TCF12: variants seen among roughly 807,000 people sequenced by gnomAD.
TCF12 encodes transcription factor 12.
A neutral mutation model predicts 86.0 loss-of-function variants in TCF12; 45 were observed. The ratio of observed to expected loss-of-function variants is 0.52; its 90% CI spans 0.41 to 0.67. TCF12 has a LOEUF of 0.67. TCF12 is among the 30% of genes least tolerant of loss of function. TCF12 has a pLI of 0.00. For synonymous variants in TCF12, 330 were observed against 299.6 expected (o/e 1.10, Z -1.05); for missense variants, 881 against 859.9 (o/e 1.02, Z -0.31).
intron 8 of TCF12, among the ~76,000 whole-genome samples, chr15:57,224,249 A>G (rs2058762648): frequency 6.6e-6 from 1 of 152,086 alleles, no homozygotes; most frequent in African/African-American, 2.4e-5. Flanking sequence ...TAAAGTAGGT[A>G]GGTAACGTGT....
rs747738227 is a variant in TCF12 at position 57,186,784 on chromosome 15, A to G, written c.391-5374A>G. ...CAGCTAAGGGAGTTTTATTCCAGGA[A>G]TGCAAGGATAGTTTAGCCTATGAAA... On this transcript the variant is annotated intron_variant, in intron 6 of 20. Coordinates refer to ENST00000333725, the MANE Select transcript of TCF12 (RefSeq NM_207037.2). Among the ~76,000 whole-genome samples, 10 of 152,236 alleles carry G rather than the reference A, an allele frequency of 6.6e-5. 1 individual carries two copies. The highest frequency in any genetic ancestry group is 4.1e-4 in the South Asian group (2 of 4,830).
chr15:57,282,432 C>G lies in TCF12; in HGVS notation c.1979-13C>G. 1 of 1,613,968 alleles carries G rather than the reference C, an allele frequency of 6.2e-7. No homozygotes were observed. The highest frequency in any genetic ancestry group is 1.1e-5 in the South Asian group (1 of 91,068). The stretch of plus-strand genomic sequence containing the variant: ...AAAACCATAGTGATAAAAATTCTTT[C>G]CCCCTGTTTTAGAGAGGAACCTTAA... On this transcript the variant is annotated splice_polypyrimidine_tract_variant and intron_variant, in intron 19 of 20. Coordinates refer to ENST00000333725, the MANE Select transcript of TCF12 (RefSeq NM_207037.2).
intron 4 of TCF12, among the ~76,000 whole-genome samples, chr15:57,076,964 A>G (rs191194600): frequency 1.2e-3 from 181 of 152,256 alleles, no homozygotes; most frequent in Non-Finnish European, 2.0e-3. Flanking sequence ...TCTGTTGGCC[A>G]TATATGCGAG....
Position 57,204,139 on chromosome 15 carries a change from G to A in TCF12, c.579+6314G>A, listed in dbSNP as rs761990711. ...GTGGCCCTTGAATTAGTCACTGACT[G>A]TAATTTAGAAAGTGATGAGGCCAGG... On this transcript the variant is annotated intron_variant, in intron 8 of 20. Coordinates refer to ENST00000333725, the MANE Select transcript of TCF12 (RefSeq NM_207037.2). 1.6e-4 allele frequency among the ~76,000 whole-genome samples: 24 copies of A among 152,148 alleles called. 1 individual carries two copies. The highest frequency in any genetic ancestry group is 7.2e-4 in the Admixed American group (11 of 15,272).
intron 6 of TCF12, among the ~76,000 whole-genome samples, chr15:57,179,873 T>G (rs2056215797): frequency 6.6e-6 from 1 of 152,172 alleles, no homozygotes; most frequent in Admixed American, 6.5e-5. Flanking sequence ...CACAAAGCAT[T>G]TAATGAAATC....
At chr15:57,173,789 C>T (rs1420114331) in intron 6 of TCF12, among the ~76,000 whole-genome samples, 3 of 151,606 alleles carry the variant, frequency 2.0e-5, no homozygotes, top group Non-Finnish European at 4.4e-5. Flanking sequence ...CTCACTACAT[C>T]CTCCGCCTCC....
In TCF12 at chr15:57,287,873, A is replaced by G. The variant is rs2061983518; in HGVS notation, c.*1728A>G. The stretch of plus-strand genomic sequence containing the variant: ...TATCTGTGGCCTTGTTCTTCATTTC[A>G]GTGTTAATCAGCTAAACAGAAGTTG... On this transcript the variant is annotated 3_prime_UTR_variant, in exon 21 of 21. Transcript: ENST00000333725. The G allele has an allele frequency of 6.6e-6, 1 of 152,562 alleles. No homozygotes were observed. Among genetic ancestry groups the G allele is most frequent in the Non-Finnish European group, 1.5e-5 (1 of 68,022 alleles). 9.5% of individuals were successfully genotyped at this position (152,562 alleles called of 1,614,324 possible).
chr15:57,289,722 G>T lies in TCF12; in HGVS notation c.*3577G>T, dbSNP rs897708331. The stretch of plus-strand genomic sequence containing the variant: ...TCTGATTAACTTCATTTTCCTATCT[G>T]AAAAATGGAGATAACATTAGAATTG... On this transcript the variant is annotated 3_prime_UTR_variant, in exon 21 of 21. Coordinates refer to ENST00000333725, the MANE Select transcript of TCF12 (RefSeq NM_207037.2). 1 of 151,942 alleles carries T rather than the reference G, an allele frequency of 6.6e-6. No homozygotes were observed. Among genetic ancestry groups the T allele is most frequent in the Non-Finnish European group, 1.5e-5 (1 of 68,006 alleles). 9.4% of individuals were successfully genotyped at this position (151,942 alleles called of 1,614,324 possible).
chr15:57,227,175 G>T (rs2058926272), intron 8 of TCF12, among the ~76,000 whole-genome samples: 1 of 152,068 alleles, frequency 6.6e-6, no homozygotes, highest in African/African-American at 2.4e-5. Context: ...TGTCTTATCT[G>T]AATGTGACTA....
At chr15:57,275,359 T>TGTGC (rs1555417690) in intron 19 of TCF12, among the ~76,000 whole-genome samples, 2 of 23,970 alleles carry the variant, frequency 8.3e-5, no homozygotes, top group African/African-American at 1.8e-4. Flanking sequence ...TGTGTGTGTG[T>TGTGC]GTGTACGTAT....
intron 5 of TCF12, among the ~76,000 whole-genome samples, chr15:57,130,997 T>A (rs1476254244): frequency 3.9e-5 from 6 of 152,224 alleles, no homozygotes; most frequent in African/African-American, 1.2e-4. Context: ...TATTTTTTAT[T>A]TAATTCTGTA....
intron 3 of TCF12, among the ~76,000 whole-genome samples, chr15:57,021,092 T>C (rs761003549): frequency 6.6e-6 from 1 of 152,204 alleles, no homozygotes; most frequent in Non-Finnish European, 1.5e-5. Flanking sequence ...TTCTGTTTCT[T>C]TGGTGTCCCA....
chr15:57,138,022 C>G (rs976685860), intron 5 of TCF12, among the ~76,000 whole-genome samples: 1 of 143,808 alleles, frequency 7.0e-6, no homozygotes, highest in Admixed American at 7.0e-5. Flanking sequence ...GAGTGAGACT[C>G]TGTCTCAAAA....
intron 11 of TCF12, among the ~76,000 whole-genome samples, chr15:57,233,728 C>T (rs2059265897): frequency 6.6e-6 from 1 of 152,168 alleles, no homozygotes; most frequent in Non-Finnish European, 1.5e-5. Flanking sequence ...CTGCCTGCCT[C>T]AGCCTCCCAA....
chr15:57,009,819 C>A (rs182662493), intron 3 of TCF12, among the ~76,000 whole-genome samples: 1 of 152,198 alleles, frequency 6.6e-6, no homozygotes, highest in African/African-American at 2.4e-5. Context: ...TAACCCAAGT[C>A]GAAGTTAAAC....
intron 5 of TCF12, among the ~76,000 whole-genome samples, chr15:57,132,442 T>A (rs966065142): frequency 7.9e-5 from 12 of 152,184 alleles, no homozygotes; most frequent in Admixed American, 3.9e-4. Context: ...GCAGCAAAAA[T>A]TAATCACCCA....
At chr15:57,178,822 G>C (rs2056136616) in intron 6 of TCF12, among the ~76,000 whole-genome samples, 1 of 152,118 alleles carries the variant, frequency 6.6e-6, no homozygotes, top group Admixed American at 6.5e-5. Context: ...TTGGAAGTTG[G>C]ACTTTTTATG....
chr15:57,029,453 G>A (rs1287662480), intron 3 of TCF12, among the ~76,000 whole-genome samples: 1 of 152,094 alleles, frequency 6.6e-6, no homozygotes, highest in East Asian at 1.9e-4. Flanking sequence ...AGAAAGGCTT[G>A]CTAGAATTTT....
chr15:57,242,700 T>C (rs2059688557), intron 12 of TCF12, among the ~76,000 whole-genome samples: 1 of 152,206 alleles, frequency 6.6e-6, no homozygotes, highest in South Asian at 2.1e-4. Context: ...TTAGATGTAC[T>C]TGAATTAATC....
Sources: gnomAD v4.1 joint callset for allele counts (sites outside exome capture counted in the v4.1 genomes callset) on GRCh38, gnomAD v4.1.1 for gene constraint, MANE v1.5 for transcripts, NCBI Gene and HGNC (gene_info 2026-07-23, HGNC 2026-07-21) for gene names.